Variants in SAA2 observed in about 807,000 individuals in gnomAD.
SAA2 encodes serum amyloid A-2 protein.
Under a neutral mutation model 9.1 loss-of-function variants are expected in SAA2, and 5 were observed. The observed-to-expected ratio is 0.55, with a 90% CI of 0.29 to 1.16. The LOEUF is 1.16. Ranked by LOEUF, SAA2 falls within the 50% of genes most tolerant of loss-of-function variation. SAA2 has a pLI of 0.09. For missense variants in SAA2, 94 were observed against 153.8 expected (o/e 0.61, Z 2.06); for synonymous variants, 49 against 59.8 (o/e 0.82, Z 0.83).
downstream of SAA2, among the ~76,000 whole-genome samples, chr11:18,245,001 A>G (rs1378992868): frequency 6.6e-6 from 1 of 152,226 alleles, no homozygotes; most frequent in Non-Finnish European, 1.5e-5. Context: ...GGAGATGAGA[A>G]GCCTGGGCAA....
chr11:18,240,254 AT>A, downstream of SAA2: 1 of 703,366 alleles, frequency 1.4e-6, no homozygotes, highest in Non-Finnish European at 2.6e-6. Flanking sequence ...GAAAAAGTCC[AT>A]CCAGTTGTGG....
chr11:18,242,984 C>A (rs1857391630), downstream of SAA2, among the ~76,000 whole-genome samples: 1 of 152,144 alleles, frequency 6.6e-6, no homozygotes, highest in Non-Finnish European at 1.5e-5. Flanking sequence ...TTGGGTGTGC[C>A]AGAGCATAGG....
At chr11:18,247,274 T>C (rs1857593017) in intron 2 of SAA2, among the ~76,000 whole-genome samples, 1 of 151,328 alleles carries the variant, frequency 6.6e-6, no homozygotes, top group South Asian at 2.1e-4. Flanking sequence ...AGGGAGCCCC[T>C]GACAGAGCGA....
exon 4 of SAA2, chr11:18,239,672 T>C: frequency 2.4e-6 from 1 of 423,182 alleles, no homozygotes. Context: ...CATGCTTTCC[T>C]AGTTTTCCTC....
At chr11:18,243,086 GT>G (rs71457892), downstream of SAA2, among the ~76,000 whole-genome samples, 1 of 150,118 alleles carries the variant, frequency 6.7e-6, no homozygotes, top group Non-Finnish European at 1.5e-5. Flanking sequence ...TTTTTTTCTT[GT>G]TTTTTTTATA....
At chr11:18,246,471 G>A (rs1000208051) in intron 2 of SAA2, among the ~76,000 whole-genome samples, 2 of 152,226 alleles carry the variant, frequency 1.3e-5, no homozygotes, top group Non-Finnish European at 2.9e-5. Flanking sequence ...AGGCTGTACT[G>A]ATACTGTGGG....
At chr11:18,246,409 C>A (rs1590013997) in intron 2 of SAA2, among the ~76,000 whole-genome samples, 2 of 152,208 alleles carry the variant, frequency 1.3e-5, no homozygotes, top group Non-Finnish European at 1.5e-5. Flanking sequence ...TCATTGTGAC[C>A]TGAGTTCCAG....
At chr11:18,242,844 C>G, downstream of SAA2, 1 of 701,324 alleles carries the variant, frequency 1.4e-6, no homozygotes, top group East Asian at 2.7e-5. Context: ...GAGATGCTGT[C>G]TCAAATAACG....
At chr11:18,247,184 G>A (rs1356215903) in intron 2 of SAA2, among the ~76,000 whole-genome samples, 1 of 152,258 alleles carries the variant, frequency 6.6e-6, no homozygotes, top group Non-Finnish European at 1.5e-5. Context: ...TGTGGTCCTT[G>A]TGGGGGCTTG....
Position 18,247,981 on chromosome 11 carries a change from A to G in SAA2, c.31T>C (p.Ser11Pro). The change falls in exon 2 of 4, where the codon TCC becomes CCC. Residue 11 changes from serine (S) to proline (P), a missense_variant. Ser to Pro is a moderately conservative substitution (Grantham distance 74). Around this residue, in one of 2 missense-constraint regions of SAA2, gnomAD observed 32 missense variants for 95.5 expected, o/e 0.34. Transcript: ENST00000256733. MKLLTGLVFCSLVLSVSSRSF... is the reference protein window; with the variant it reads MKLLTGLVFCPLVLSVSSRSF... ...CGGCTGCTGACACTCAGGACCAAGGAGCAGAAAACCAGGCCCGTGAGAAGC... is the reference window on the plus strand; with the variant it reads ...CGGCTGCTGACACTCAGGACCAAGGGGCAGAAAACCAGGCCCGTGAGAAGC... 2 of 1,613,544 alleles carry G rather than the reference A, an allele frequency of 1.2e-6. No individual in the cohort carries two copies. The highest frequency in any genetic ancestry group is 1.7e-6 in the Non-Finnish European group (2 of 1,179,798).
downstream of SAA2, chr11:18,242,174 G>C (rs1857364534): frequency 6.6e-6 from 1 of 152,160 alleles, no homozygotes; most frequent in East Asian, 1.9e-4. Flanking sequence ...TAAGGAATTG[G>C]CTCACAAGAT....
downstream of SAA2, among the ~76,000 whole-genome samples, chr11:18,244,042 G>A (rs1026096269): frequency 6.6e-6 from 1 of 152,178 alleles, no homozygotes; most frequent in African/African-American, 2.4e-5. Flanking sequence ...TCCTGTACAG[G>A]ACAACCAGTG....
downstream of SAA2, chr11:18,242,837 A>C: frequency 2.9e-6 from 2 of 701,604 alleles, no homozygotes; most frequent in Non-Finnish European, 5.2e-6. Context: ...AAAGAGGGAG[A>C]TGCTGTCTCA....
chr11:18,240,393 G>A (rs1000390383), downstream of SAA2: 34 of 674,046 alleles, frequency 5.0e-5, no homozygotes, highest in Non-Finnish European at 8.0e-6. Flanking sequence ...GCCTCTTCCA[G>A]CATCTGCTGC....
intron 2 of SAA2, among the ~76,000 whole-genome samples, chr11:18,247,601 T>TGC (rs1173766574): frequency 1.4e-5 from 2 of 140,836 alleles, no homozygotes; most frequent in African/African-American, 2.7e-5. Context: ...ATACCCCGTG[T>TGC]GCGTTGTTAC....
downstream of SAA2, among the ~76,000 whole-genome samples, chr11:18,245,060 A>G (rs1162988249): frequency 6.6e-6 from 1 of 152,216 alleles, no homozygotes; most frequent in Non-Finnish European, 1.5e-5. Flanking sequence ...TCTGGAAAAA[A>G]GGAGGTCTAA....
In SAA2 at chr11:18,239,816, A is replaced by C. The variant is rs977161997; in HGVS notation, c.*132T>G. On this transcript the variant is annotated 3_prime_UTR_variant, in exon 4 of 4. Transcript: ENST00000414546. ...CTCCATCCACATGCTGAGGGAGCTC[A>C]TCCATGCCTCTTAGCACAGGTTCCA... is the stretch of plus-strand genomic sequence containing the variant. The C allele has an allele frequency of 6.6e-5, 77 of 1,169,454 alleles. 2 individuals carry two copies. In the South Asian group the frequency reaches 1.3e-3, roughly 19 times the overall value. 72.4% of individuals were successfully genotyped at this position (1,169,454 alleles called of 1,614,324 possible). A position where few individuals can be genotyped will look rare whatever the true frequency, so the allele number is the denominator to read the frequency against.
At chr11:18,246,964 C>A (rs1169777276) in intron 2 of SAA2, among the ~76,000 whole-genome samples, 10 of 152,088 alleles carry the variant, frequency 6.6e-5, no homozygotes, top group African/African-American at 2.4e-4. Context: ...GATTCATAAC[C>A]ATCAACCTCT....
At chr11:18,242,961 T>C, downstream of SAA2, 2 of 608,010 alleles carry the variant, frequency 3.3e-6, no homozygotes, top group Non-Finnish European at 5.9e-6. Context: ...ACCAAGTAAT[T>C]AATAAAAGGT....
Sources: gnomAD v4.1 joint callset for allele counts (sites outside exome capture counted in the v4.1 genomes callset) on GRCh38, gnomAD v4.1.1 for gene constraint, gnomAD v4.1.1 regional missense constraint, MANE v1.5 for transcripts, NCBI Gene and HGNC (gene_info 2026-07-23, HGNC 2026-07-21) for gene names.